UNC13B: variants seen among roughly 807,000 people sequenced by gnomAD.
The protein encoded by UNC13B is protein unc-13 homolog B.
A neutral mutation model predicts 211.0 loss-of-function variants in UNC13B; 144 were observed. The observed-to-expected ratio is 0.68, with a 90% CI of 0.60 to 0.78. The LOEUF is 0.78. Ranked by LOEUF, UNC13B falls within the 30% of genes least tolerant of loss-of-function variation. The probability of loss-of-function intolerance (pLI) is 0.00; values close to 1 mark genes in which losing one functional copy is unlikely to be tolerated. For synonymous variants in UNC13B, 709 were observed against 725.8 expected, an observed-to-expected ratio of 0.98 and a Z score of 0.37; for missense variants, 1,777 against 2,002.0, an observed-to-expected ratio of 0.89 and a Z score of 2.14.
At chr9:35,181,537 A>G (rs74333425) in intron 1 of UNC13B, among the ~76,000 whole-genome samples, 89 of 152,314 alleles carry the variant, frequency 5.8e-4, no homozygotes, top group East Asian at 2.5e-3. Context: ...AACTTTTTAT[A>G]TCAATGAAGA....
chr9:35,238,474 A>T (rs1825631719), intron 5 of UNC13B, among the ~76,000 whole-genome samples: 1 of 151,884 alleles, frequency 6.6e-6, no homozygotes, highest in Non-Finnish European at 1.5e-5. Flanking sequence ...CTGCTTAGAC[A>T]TTTATCCTGA....
intron 11 of UNC13B, chr9:35,360,456 A>G (rs1833335034): frequency 6.6e-6 from 1 of 152,254 alleles, no homozygotes; most frequent in African/African-American, 2.4e-5. Flanking sequence ...TTACCCAAAT[A>G]AAATGCCAGA....
rs1039449531 is a variant in UNC13B at position 35,257,582 on chromosome 9, A to G, written c.469-1411A>G. On this transcript the variant is annotated intron_variant, in intron 6 of 39. Transcript: ENST00000635942. ...GGAGAAAGAGTGAGAATCTGTATCA[A>G]AAAAAAAAAAAAAAAAAAAAAAAAA... 1.2e-4 allele frequency among the ~76,000 whole-genome samples: 11 copies of G among 93,816 alleles called. No individual in the cohort carries two copies. In the East Asian group the frequency reaches 2.2e-3, roughly 18 times the overall value. The allele number at this position is 93,816 out of a possible 152,430, so 61.5% of individuals were successfully genotyped here.
At chr9:35,330,275 G>T (rs1051557868) in intron 11 of UNC13B, among the ~76,000 whole-genome samples, 1 of 152,202 alleles carries the variant, frequency 6.6e-6, no homozygotes, top group East Asian at 1.9e-4. Flanking sequence ...AGAACTGTTG[G>T]CTTTTAGGGA....
intron 11 of UNC13B, among the ~76,000 whole-genome samples, chr9:35,356,963 CA>C (rs1244786377): frequency 3.8e-4 from 58 of 152,174 alleles, no homozygotes; most frequent in Non-Finnish European, 5.3e-4. Context: ...TATTGATGGA[CA>C]TTTTTTAAAT....
intron 1 of UNC13B, among the ~76,000 whole-genome samples, chr9:35,175,449 G>A (rs1587292368): frequency 6.6e-6 from 1 of 152,332 alleles, no homozygotes. Flanking sequence ...GGTCAGAACT[G>A]TAGGAAAATG....
intron 11 of UNC13B, chr9:35,364,709 C>A: frequency 9.9e-7 from 1 of 1,007,648 alleles, no homozygotes; most frequent in Non-Finnish European, 1.4e-6. Context: ...AGCTTTGGCT[C>A]ATGCAGTCTA....
intron 6 of UNC13B, among the ~76,000 whole-genome samples, chr9:35,248,841 G>A (rs939773677): frequency 2.6e-5 from 4 of 152,134 alleles, no homozygotes; most frequent in African/African-American, 9.7e-5. Flanking sequence ...TGTTGATTTG[G>A]GGTGGAGAGT....
chr9:35,281,154 G>T (rs540621176), intron 7 of UNC13B, among the ~76,000 whole-genome samples: 1 of 152,020 alleles, frequency 6.6e-6, no homozygotes, highest in African/African-American at 2.4e-5. Flanking sequence ...GGAGGCTGAG[G>T]CAGGGGAATT....
At chr9:35,401,819 C>A in intron 37 of UNC13B, 1 of 805,166 alleles carries the variant, frequency 1.2e-6, no homozygotes, top group Non-Finnish European at 2.0e-6. Context: ...CTCCACTCTG[C>A]CCCACCTCTG....
At chr9:35,285,290 G>A (rs888175862) in intron 7 of UNC13B, among the ~76,000 whole-genome samples, 2 of 152,288 alleles carry the variant, frequency 1.3e-5, no homozygotes, top group East Asian at 1.9e-4. Context: ...TTCTATAGCT[G>A]TGTTTTTCGC....
At chr9:35,214,571 A>G (rs1053122978) in intron 1 of UNC13B, among the ~76,000 whole-genome samples, 12 of 152,210 alleles carry the variant, frequency 7.9e-5, no homozygotes, top group African/African-American at 2.9e-4. Context: ...TACTAGAAAG[A>G]AATTACCCAT....
intron 1 of UNC13B, among the ~76,000 whole-genome samples, chr9:35,174,524 C>T (rs1220676896): frequency 6.6e-6 from 1 of 151,520 alleles, no homozygotes; most frequent in African/African-American, 2.4e-5. Flanking sequence ...TGGGGTTTTG[C>T]CGTGCTGGCC....
At chr9:35,388,897 G>A (rs1010455594) in intron 24 of UNC13B, among the ~76,000 whole-genome samples, 1 of 152,222 alleles carries the variant, frequency 6.6e-6, no homozygotes, top group African/African-American at 2.4e-5. Flanking sequence ...TCAAAGACCA[G>A]TTCAGAAATC....
At chr9:35,243,245 C>A (rs1274928098) in intron 5 of UNC13B, 46 bp from the exon 6 acceptor site, 6 of 1,574,446 alleles carry the variant, frequency 3.8e-6, no homozygotes, top group Non-Finnish European at 5.2e-6. Context: ...TGATTTATTA[C>A]CTGCTGATGT....
At chr9:35,259,205 GCTGT>G (rs61209865) in intron 7 of UNC13B, among the ~76,000 whole-genome samples, 155 bp downstream of exon 7, 27,672 of 152,044 alleles carry the variant, frequency 0.18, 2,829 homozygotes, top group Non-Finnish European at 0.24. Context: ...TTCTCTGATG[GCTGT>G]CTATCTATTA....
intron 11 of UNC13B, among the ~76,000 whole-genome samples, chr9:35,340,240 T>C (rs1429489894): frequency 6.6e-6 from 1 of 152,086 alleles, no homozygotes; most frequent in Non-Finnish European, 1.5e-5. Context: ...CCCAACTAGG[T>C]TAGGAGGTAT....
intron 7 of UNC13B, among the ~76,000 whole-genome samples, chr9:35,268,447 A>G (rs1827694804): frequency 6.6e-6 from 1 of 152,090 alleles, no homozygotes. Context: ...GTGAAACCCC[A>G]TCTATACTAA....
intron 27 of UNC13B, 89 bp downstream of exon 27, chr9:35,396,691 C>T (rs1010142579): frequency 2.6e-5 from 41 of 1,599,054 alleles, no homozygotes; most frequent in Admixed American, 1.3e-4. Context: ...AAGCCAGTCT[C>T]GGGGACTGCC....
Sources: allele counts gnomAD v4.1 joint callset (sites outside exome capture counted in the v4.1 genomes callset), GRCh38; gene constraint gnomAD v4.1.1; transcripts MANE v1.5; gene names NCBI Gene and HGNC (gene_info 2026-07-23, HGNC 2026-07-21).